Variants in STK32B observed in about 807,000 individuals in gnomAD.
STK32B encodes serine/threonine-protein kinase 32B.
In STK32B, 43 loss-of-function variants were observed where a neutral mutation model predicts 52.6. The observed-to-expected ratio is 0.82, with a 90% CI of 0.64 to 1.05. STK32B has a LOEUF of 1.05. STK32B is among the 50% of genes least tolerant of loss of function. The pLI, the probability that STK32B is intolerant of heterozygous loss-of-function variation, is 0.00. For missense variants in STK32B, 621 were observed against 534.6 expected, an observed-to-expected ratio of 1.16 and a Z score of -1.59; for synonymous variants, 238 against 204.3, an observed-to-expected ratio of 1.17 and a Z score of -1.41.
chr4:5,089,115 T>G (rs555672463), intron 1 of STK32B, among the ~76,000 whole-genome samples: 6 of 152,262 alleles, frequency 3.9e-5, no homozygotes, highest in Admixed American at 3.3e-4. Context: ...GGGACATTTC[T>G]ACTAACCTTA....
chr4:5,446,505 C>T (rs953811583), intron 6 of STK32B, among the ~76,000 whole-genome samples, 168 bp from the exon 7 acceptor site: 3 of 150,216 alleles, frequency 2.0e-5, no homozygotes, highest in Admixed American at 1.3e-4. Flanking sequence ...ACAGAGGAGC[C>T]GACATTGCGC....
intron 3 of STK32B, among the ~76,000 whole-genome samples, chr4:5,322,103 G>A (rs549812991): frequency 6.6e-6 from 1 of 152,122 alleles, no homozygotes; most frequent in South Asian, 2.1e-4. Context: ...GGAGGCCAAG[G>A]CAAGAGGATT....
chr4:5,283,873 C>G (rs137956289), intron 3 of STK32B, among the ~76,000 whole-genome samples: 2 of 151,722 alleles, frequency 1.3e-5, no homozygotes, highest in Non-Finnish European at 2.9e-5. Flanking sequence ...AAACAAAAGG[C>G]CACTAACTAA....
At chr4:5,423,635 T>G (rs2654508) in intron 6 of STK32B, among the ~76,000 whole-genome samples, 83,740 of 152,086 alleles carry the variant, frequency 0.55, 25,060 homozygotes, top group Middle Eastern at 0.73. Context: ...CACACTCTAG[T>G]TGCAGAAACA....
rs149941832 is a variant in STK32B at position 5,428,177 on chromosome 4, G to A, written c.562+11243G>A. 3.7e-3 allele frequency among the ~76,000 whole-genome samples: 561 copies of A among 152,128 alleles called. 1 individual carries two copies. Among genetic ancestry groups the A allele is most frequent in the African/African-American group, 0.013 (525 of 41,480 alleles). ...AATCCCAGCAGTTTGGGAGGCCGAC[G>A]CGGGCGGATCACAAGGTCAGGAGAT... is the stretch of plus-strand genomic sequence containing the variant. On this transcript the variant is annotated intron_variant, in intron 6 of 11. Transcript: ENST00000282908.
chr4:5,490,625 G>A (rs1719643259), intron 11 of STK32B, among the ~76,000 whole-genome samples: 1 of 151,816 alleles, frequency 6.6e-6, no homozygotes, highest in Non-Finnish European at 1.5e-5. Context: ...TGCACAAAGT[G>A]CAGGTTAGTT....
chr4:5,280,359 G>A (rs1292016549), intron 3 of STK32B, among the ~76,000 whole-genome samples: 1 of 152,122 alleles, frequency 6.6e-6, no homozygotes, highest in Non-Finnish European at 1.5e-5. Context: ...GGACTTCACT[G>A]TCCATGTCAC....
chr4:5,438,483 G>T, intron 6 of STK32B, among the ~76,000 whole-genome samples: 1 of 152,224 alleles, frequency 6.6e-6, no homozygotes, highest in East Asian at 1.9e-4. Flanking sequence ...TCGTTCATGA[G>T]GCTGAGGAGG....
intron 3 of STK32B, among the ~76,000 whole-genome samples, chr4:5,313,570 T>C (rs1730458197): frequency 6.6e-6 from 1 of 151,798 alleles, no homozygotes; most frequent in Non-Finnish European, 1.5e-5. Context: ...GAACTGTCTC[T>C]ATTTTCAGAT....
intron 4 of STK32B, among the ~76,000 whole-genome samples, chr4:5,335,056 C>T (rs942418232): frequency 6.6e-6 from 1 of 150,404 alleles, no homozygotes; most frequent in South Asian, 2.1e-4. Flanking sequence ...GGAATGGTAC[C>T]AGTTCCTCCT....
chr4:5,183,477 C>CAA (rs199998898), intron 3 of STK32B, among the ~76,000 whole-genome samples: 1 of 109,570 alleles, frequency 9.1e-6, no homozygotes, highest in Non-Finnish European at 2.0e-5. Flanking sequence ...AACTCCATCT[C>CAA]AAAAAAAAAA....
chr4:5,219,269 G>A (rs1048244217), intron 3 of STK32B, among the ~76,000 whole-genome samples: 3 of 152,202 alleles, frequency 2.0e-5, no homozygotes, highest in Admixed American at 6.5e-5. Flanking sequence ...GGGTGGCCAG[G>A]CCCCCTCATG....
At chr4:5,036,288 A>G in the STK32B span, among the ~76,000 whole-genome samples, 15 of 152,334 alleles carry the variant, frequency 9.8e-5, no homozygotes, top group African/African-American at 3.6e-4. Flanking sequence ...CACTGAGCAT[A>G]GCCCTGACAT....
intron 3 of STK32B, among the ~76,000 whole-genome samples, chr4:5,240,923 C>T (rs1724981608): frequency 6.6e-6 from 1 of 152,172 alleles, no homozygotes; most frequent in Non-Finnish European, 1.5e-5. Flanking sequence ...ATCCTTCTAT[C>T]AATAACTCAC....
chr4:5,206,669 T>C (rs1177071851), intron 3 of STK32B, among the ~76,000 whole-genome samples: 1 of 152,064 alleles, frequency 6.6e-6, no homozygotes, highest in Non-Finnish European at 1.5e-5. Flanking sequence ...CGGAGGGGGA[T>C]ATGAAAAGGC....
intron 3 of STK32B, among the ~76,000 whole-genome samples, chr4:5,191,683 AC>A (rs1406031568): frequency 6.6e-6 from 1 of 152,082 alleles, no homozygotes; most frequent in Non-Finnish European, 1.5e-5. Context: ...CTGAAAGTTG[AC>A]CACCCGCAGC....
At chr4:5,363,629 A>G (rs1734687475) in intron 4 of STK32B, among the ~76,000 whole-genome samples, 1 of 152,236 alleles carries the variant, frequency 6.6e-6, no homozygotes, top group Non-Finnish European at 1.5e-5. Flanking sequence ...GATCAAGACT[A>G]TGAAGATCAG....
intron 6 of STK32B, among the ~76,000 whole-genome samples, chr4:5,425,213 A>G (rs557766814): frequency 2.1e-4 from 32 of 152,386 alleles, no homozygotes; most frequent in African/African-American, 7.5e-4. Context: ...CCAAGTGAGC[A>G]GAATGAGCCA....
At chr4:5,223,876 C>T (rs988591930) in intron 3 of STK32B, among the ~76,000 whole-genome samples, 5 of 151,110 alleles carry the variant, frequency 3.3e-5, no homozygotes, top group Admixed American at 2.0e-4. Flanking sequence ...TGTTGTTTAC[C>T]TTTTGGGTTT....
Sources: gnomAD v4.1 joint callset for allele counts (sites outside exome capture counted in the v4.1 genomes callset) on GRCh38, gnomAD v4.1.1 for gene constraint, MANE v1.5 for transcripts, NCBI Gene and HGNC (gene_info 2026-07-23, HGNC 2026-07-21) for gene names.